Variants in THADA observed in about 807,000 individuals in gnomAD.
THADA encodes the protein THADA armadillo repeat containing.
Under a neutral mutation model 219.8 loss-of-function variants are expected in THADA, and 213 were observed. The observed-to-expected ratio is 0.97, with a 90% confidence interval of 0.87 to 1.09. The LOEUF (loss-of-function observed/expected upper bound fraction) is 1.09, where lower values mean the gene tolerates loss of function less well. Among genes scored for constraint, THADA ranks in the 50% least tolerant of loss-of-function variants. THADA has a pLI of 0.00. For missense variants in THADA, 2,956 were observed against 2,311.3 expected, an observed-to-expected ratio of 1.28 and a Z score of -5.72; for synonymous variants, 1,018 against 828.9, an observed-to-expected ratio of 1.23 and a Z score of -3.92.
At chr2:43,291,454 CAAA>C (rs765352765) in intron 34 of THADA, among the ~76,000 whole-genome samples, 211 of 8,064 alleles carry the variant, frequency 0.026, 2 homozygotes, top group African/African-American at 0.087. Context: ...AACTCCATCT[CAAA>C]AAAAAAAAAA....
chr2:43,348,993 A>G (rs1009359457), intron 29 of THADA, among the ~76,000 whole-genome samples: 9 of 152,170 alleles, frequency 5.9e-5, no homozygotes, highest in African/African-American at 2.2e-4. Flanking sequence ...AAGAAACAGG[A>G]GAAAGCTTTG....
chr2:43,505,878 G>A (rs577199045), intron 23 of THADA, 143 bp from the exon 24 acceptor site: 32 of 629,192 alleles, frequency 5.1e-5, no homozygotes, highest in South Asian at 2.4e-4. Context: ...CCATGTGGCC[G>A]TGGGCAAGTG....
chr2:43,588,359 C>CAT (rs1307411241), intron 4 of THADA, among the ~76,000 whole-genome samples: 1 of 150,152 alleles, frequency 6.7e-6, no homozygotes, highest in Non-Finnish European at 1.5e-5. Context: ...ACAGAAAGCA[C>CAT]ATATAGCAAG....
At chr2:43,459,169 A>G (rs1349376702) in intron 26 of THADA, among the ~76,000 whole-genome samples, 3 of 152,176 alleles carry the variant, frequency 2.0e-5, no homozygotes, top group African/African-American at 7.2e-5. Context: ...GTTAGCTGAC[A>G]AGGTCCCCAG....
chr2:43,256,322 C>G (rs75281235), intron 36 of THADA, among the ~76,000 whole-genome samples: 6,638 of 151,798 alleles, frequency 0.044, 429 homozygotes, highest in African/African-American at 0.15. Context: ...CCAGCCTGAG[C>G]AGCACAGCGA....
At chr2:43,584,039 A>C (rs1173212634) in intron 7 of THADA, among the ~76,000 whole-genome samples, 1 of 126,888 alleles carries the variant, frequency 7.9e-6, no homozygotes, top group African/African-American at 3.4e-5. Flanking sequence ...GTCTCAATTA[A>C]AAAAAAAAAA....
chr2:43,267,454 A>G (rs767587760), intron 36 of THADA, among the ~76,000 whole-genome samples: 2 of 152,196 alleles, frequency 1.3e-5, no homozygotes, highest in Non-Finnish European at 1.5e-5. Context: ...TGAAGTTCCT[A>G]TCTCCCAAAA....
intron 22 of THADA, among the ~76,000 whole-genome samples, chr2:43,512,086 C>CA (rs1388141136): frequency 6.6e-6 from 1 of 152,202 alleles, no homozygotes. Context: ...AATTTGAAAA[C>CA]AGAGGCCAGA....
intron 29 of THADA, among the ~76,000 whole-genome samples, chr2:43,357,052 G>T (rs1010577201): frequency 6.6e-6 from 1 of 152,190 alleles, no homozygotes; most frequent in Non-Finnish European, 1.5e-5. Flanking sequence ...CTGACAGATG[G>T]CAAGTGTCAC....
intron 26 of THADA, among the ~76,000 whole-genome samples, chr2:43,448,560 C>CTT (rs71410179): frequency 0.3 from 30,804 of 103,458 alleles, 4,223 homozygotes; most frequent in East Asian, 0.61. Context: ...TTCTTCCTTT[C>CTT]TTTTTTTTTT....
At position 43,432,451 on chromosome 2, in the gene THADA, GTTCT is replaced by G. The variant is rs568617348; in HGVS notation, c.3837-2153_3837-2150del. Among the ~76,000 whole-genome samples the G allele has an allele frequency of 1.6e-3, 240 of 150,822 alleles. 2 individuals are homozygous for G. The highest frequency in any genetic ancestry group is 0.016 in the South Asian group (76 of 4,780). ...TTAATTCTCCTCTTGACAGGCATGG[GTTCT>G]TTACCTTTTTTTTTTTTTTACTATT... is the stretch of plus-strand genomic sequence containing the variant. On this transcript the variant is annotated intron_variant, in intron 26 of 37. Transcript: ENST00000405975.
At chr2:43,523,954 A>C (rs1219952157) in intron 22 of THADA, among the ~76,000 whole-genome samples, 2 of 152,176 alleles carry the variant, frequency 1.3e-5, no homozygotes, top group Non-Finnish European at 2.9e-5. Flanking sequence ...ACATCCTAGA[A>C]GTCTGTTCAT....
chr2:43,287,990 A>G (rs1166261010), intron 34 of THADA, among the ~76,000 whole-genome samples: 2 of 152,250 alleles, frequency 1.3e-5, no homozygotes. Flanking sequence ...ACCCTAAGAT[A>G]GAAACTATGT....
At chr2:43,566,020 G>A (rs1019077023) in intron 15 of THADA, 3 of 154,762 alleles carry the variant, frequency 1.9e-5, no homozygotes, top group African/African-American at 4.8e-5. Flanking sequence ...CCCAGCAGGC[G>A]GAGGTTGCAG....
rs76591751 is a variant in THADA at position 43,322,565 on chromosome 2, G to A, written c.4344-2025C>T. On this transcript the variant is annotated intron_variant, in intron 30 of 37. Transcript: ENST00000405975. ...TAATTGAAAAAGCACAAAAGGACAC[G>A]CAATGAAAATGAAATCCCTTTTCCA... 6.8e-3 allele frequency among the ~76,000 whole-genome samples: 1,007 copies of A among 148,332 alleles called. 14 individuals are homozygous for A. Among genetic ancestry groups the A allele is most frequent in the African/African-American group, 0.024 (972 of 40,362 alleles).
At chr2:43,395,642 G>T (rs558039543) in intron 29 of THADA, among the ~76,000 whole-genome samples, 1 of 152,220 alleles carries the variant, frequency 6.6e-6, no homozygotes. Context: ...ATTCTCTCAT[G>T]AGTGTACAGT....
At chr2:43,545,915 G>C (rs965199724) in intron 20 of THADA, among the ~76,000 whole-genome samples, 3 of 151,988 alleles carry the variant, frequency 2.0e-5, no homozygotes, top group African/African-American at 7.3e-5. Flanking sequence ...CCTTCTGCTA[G>C]CTTTTGAATG....
At chr2:43,365,946 T>C (rs1056038502) in intron 29 of THADA, among the ~76,000 whole-genome samples, 5 of 152,198 alleles carry the variant, frequency 3.3e-5, no homozygotes, top group Non-Finnish European at 7.3e-5. Flanking sequence ...TTATGATTTA[T>C]TTGAGGCAAT....
Position 43,298,072 on chromosome 2 carries a change from C to T in THADA, c.4439-4859G>A, listed in dbSNP as rs1317755281. Among the ~76,000 whole-genome samples the T allele has an allele frequency of 9.4e-5, 10 of 106,256 alleles. 1 individual carries two copies. The highest frequency in any genetic ancestry group is 4.3e-4 in the East Asian group (2 of 4,628). The allele number at this position is 106,256 out of a possible 152,430, so 69.7% of individuals were successfully genotyped here. A position where few individuals can be genotyped will look rare whatever the true frequency, so the allele number is the denominator to read the frequency against. On this transcript the variant is annotated intron_variant, in intron 31 of 37. Transcript: ENST00000405975. ...CTGGGAAGTGAGGAGCCCCTCTGCC[C>T]GGCCACCACCCCGTCTGGGAGGTGT...
Sources: allele counts gnomAD v4.1 joint callset (sites outside exome capture counted in the v4.1 genomes callset), GRCh38; gene constraint gnomAD v4.1.1; transcripts MANE v1.5; gene names NCBI Gene and HGNC (gene_info 2026-07-23, HGNC 2026-07-21).